The following DSCAM variants were observed in gnomAD, a reference collection of about 807,000 sequenced individuals.
DSCAM encodes cell adhesion molecule DSCAM.
DSCAM carries 47 observed loss-of-function variants against 217.7 expected under a neutral mutation model. The observed-to-expected ratio is 0.22, with a 90% CI of 0.17 to 0.28. DSCAM has a LOEUF of 0.28. Ranked by LOEUF, DSCAM falls within the 10% of genes least tolerant of loss-of-function variation. The pLI is 1.00. For missense variants in DSCAM, 2,080 were observed against 2,618.3 expected (o/e 0.79, Z 4.49); for synonymous variants, 1,056 against 1,015.3 (o/e 1.04, Z -0.76).
At chr21:40,474,402 T>C (rs1271084979) in intron 3 of DSCAM, among the ~76,000 whole-genome samples, 1 of 152,218 alleles carries the variant, frequency 6.6e-6, no homozygotes, top group Non-Finnish European at 1.5e-5. Flanking sequence ...GCATGTTCCT[T>C]TGCAGCATAT....
At chr21:40,075,325 G>A in intron 26 of DSCAM, 112 bp from the exon 27 acceptor site, 1 of 1,155,800 alleles carries the variant, frequency 8.7e-7, no homozygotes, top group Non-Finnish European at 1.2e-6. Context: ...TGTTGGAGGT[G>A]ATGAGAAATG....
At chr21:40,785,850 T>A (rs1292520216) in intron 1 of DSCAM, among the ~76,000 whole-genome samples, 1 of 152,248 alleles carries the variant, frequency 6.6e-6, no homozygotes, top group Non-Finnish European at 1.5e-5. Flanking sequence ...AATGGTAGAC[T>A]ACTAGTTTCT....
intron 3 of DSCAM, among the ~76,000 whole-genome samples, chr21:40,586,353 G>A (rs1228285107): frequency 3.9e-5 from 6 of 152,186 alleles, no homozygotes; most frequent in African/African-American, 1.4e-4. Context: ...ATCCTTTACA[G>A]CAACATAAAA....
chr21:40,796,137 C>T (rs1045011279), intron 1 of DSCAM, among the ~76,000 whole-genome samples: 2 of 152,182 alleles, frequency 1.3e-5, no homozygotes, highest in African/African-American at 4.8e-5. Flanking sequence ...ACTCTTCACT[C>T]CCTTTCCTGC....
intron 16 of DSCAM, among the ~76,000 whole-genome samples, chr21:40,152,215 A>C (rs1400613484): frequency 6.6e-6 from 1 of 152,204 alleles, no homozygotes; most frequent in Non-Finnish European, 1.5e-5. Context: ...GAAAATGTTG[A>C]AATTTAGAAA....
At chr21:40,218,950 AT>A (rs2091267136) in intron 11 of DSCAM, among the ~76,000 whole-genome samples, 1 of 152,144 alleles carries the variant, frequency 6.6e-6, no homozygotes, top group Non-Finnish European at 1.5e-5. Flanking sequence ...CTCTCTTCCT[AT>A]TTGGATGCCC....
chr21:40,098,694 T>C (rs1306916454), intron 20 of DSCAM, among the ~76,000 whole-genome samples: 2 of 152,234 alleles, frequency 1.3e-5, no homozygotes, highest in South Asian at 2.1e-4. Flanking sequence ...TTAATTGTCA[T>C]ACAACCTCAT....
chr21:40,781,554 CT>C (rs1439183253), intron 1 of DSCAM, among the ~76,000 whole-genome samples: 8 of 152,010 alleles, frequency 5.3e-5, no homozygotes, highest in African/African-American at 1.4e-4. Context: ...AGTATACAAC[CT>C]TTTTTTATAT....
chr21:40,290,282 G>A (rs1473605138), intron 10 of DSCAM, among the ~76,000 whole-genome samples: 1 of 152,054 alleles, frequency 6.6e-6, no homozygotes, highest in African/African-American at 2.4e-5. Flanking sequence ...CACATCTATG[G>A]GAAAATTGAC....
chr21:40,732,019 C>A (rs983906916), intron 1 of DSCAM, among the ~76,000 whole-genome samples: 1 of 152,152 alleles, frequency 6.6e-6, no homozygotes, highest in African/African-American at 2.4e-5. Flanking sequence ...GCCACCACAC[C>A]AGGCCTGCTT....
At chr21:40,426,256 G>T (rs1219524917) in intron 3 of DSCAM, among the ~76,000 whole-genome samples, 1 of 152,244 alleles carries the variant, frequency 6.6e-6, no homozygotes, top group African/African-American at 2.4e-5. Flanking sequence ...AAGCTGCATA[G>T]ATGGGTCTGC....
intron 3 of DSCAM, among the ~76,000 whole-genome samples, chr21:40,463,714 C>G (rs1026219065): frequency 1.3e-5 from 2 of 152,168 alleles, no homozygotes; most frequent in Admixed American, 6.5e-5. Flanking sequence ...CAGGTCCAGA[C>G]CCCTGCTCCT....
intron 1 of DSCAM, among the ~76,000 whole-genome samples, chr21:40,800,914 C>T (rs1433871600): frequency 4.6e-5 from 7 of 151,174 alleles, no homozygotes; most frequent in Non-Finnish European, 8.8e-5. Context: ...CGGGGTTTCA[C>T]TATGTTGGTC....
At chr21:40,760,730 G>A (rs965731986) in intron 1 of DSCAM, among the ~76,000 whole-genome samples, 3 of 152,206 alleles carry the variant, frequency 2.0e-5, no homozygotes, top group African/African-American at 7.2e-5. Context: ...TGGCTGTGCT[G>A]TTTTTCTGGG....
At position 40,052,120 on chromosome 21, in the gene DSCAM, A is replaced by C. The variant is rs773814290; in HGVS notation, c.5036-13T>G. The stretch of plus-strand genomic sequence containing the variant: ...GTGGAGCGATCATCTACAGGATGGC[A>C]GGAACACAGAAAGCCAAACACGTTT... On this transcript the variant is annotated splice_polypyrimidine_tract_variant and intron_variant, in intron 29 of 32. Coordinates refer to ENST00000400454, the MANE Select transcript of DSCAM (RefSeq NM_001389.5). 1 of 1,612,882 alleles carries C rather than the reference A, an allele frequency of 6.2e-7. No homozygotes were observed. The highest frequency in any genetic ancestry group is 2.2e-5 in the East Asian group (1 of 44,808).
Position 40,338,216 on chromosome 21 carries a change from A to G in DSCAM, c.1668T>C (p.Asn556=), listed in dbSNP as rs1288535154. The G allele has an allele frequency of 5.0e-6, 8 of 1,614,122 alleles. No individual in the cohort carries two copies. Among genetic ancestry groups the G allele is most frequent in the Non-Finnish European group, 6.8e-6 (8 of 1,180,048 alleles). Residue 556 remains asparagine, a synonymous_variant, in exon 8 of 33, where the codon AAT becomes AAC. Transcript: ENST00000400454. The stretch of plus-strand genomic sequence containing the variant: ...GCACATCTGAAAGTTTAAGAGTTCC[A>G]TTGTTCTCAAATGCCACTTGGCGGT... ...FNHRQVAFEN[N]GTLKLSDVQK...
At chr21:40,747,346 A>T (rs571714082) in intron 1 of DSCAM, among the ~76,000 whole-genome samples, 45 of 151,644 alleles carry the variant, frequency 3.0e-4, no homozygotes, top group Non-Finnish European at 5.9e-4. Flanking sequence ...GGACTCAAAT[A>T]AATAAAATCA....
intron 1 of DSCAM, among the ~76,000 whole-genome samples, chr21:40,844,591 A>C (rs1300458829): frequency 6.6e-6 from 1 of 151,946 alleles, no homozygotes; most frequent in African/African-American, 2.4e-5. Flanking sequence ...TCACTATATG[A>C]GTACCTACAT....
intron 3 of DSCAM, among the ~76,000 whole-genome samples, chr21:40,580,538 CA>C (rs112266584): frequency 7.0e-6 from 1 of 141,846 alleles, no homozygotes; most frequent in African/African-American, 2.6e-5. Context: ...GACTCTGTCT[CA>C]AAAAAAAACA....
Sources: allele counts gnomAD v4.1 joint callset (sites outside exome capture counted in the v4.1 genomes callset), GRCh38; gene constraint gnomAD v4.1.1; transcripts MANE v1.5; gene names NCBI Gene and HGNC (gene_info 2026-07-23, HGNC 2026-07-21).